The following ASIC5 variants were observed in gnomAD, a reference collection of about 807,000 sequenced individuals.
ASIC5 encodes the protein acid sensing ion channel subunit family member 5, also known as bile acid-sensitive ion channel.
A neutral mutation model predicts 51.2 loss-of-function variants in ASIC5; 52 were observed. The observed-to-expected ratio is 1.02, with a 90% confidence interval of 0.81 to 1.28. The LOEUF (loss-of-function observed/expected upper bound fraction) is 1.28. ASIC5 is among the 50% of genes most tolerant of loss of function. The pLI is 0.00. For missense variants in ASIC5, 635 were observed against 595.0 expected (o/e 1.07, Z -0.70); for synonymous variants, 231 against 200.7 (o/e 1.15, Z -1.28).
At chr4:155,862,089 A>G (rs1172930222) in intron 2 of ASIC5, among the ~76,000 whole-genome samples, 1 of 152,096 alleles carries the variant, frequency 6.6e-6, no homozygotes, top group Non-Finnish European at 1.5e-5. Context: ...TCACTTTGCC[A>G]TTCTGGAAGT....
intron 6 of ASIC5, among the ~76,000 whole-genome samples, chr4:155,841,581 A>G (rs1741122267): frequency 6.6e-6 from 1 of 152,134 alleles, no homozygotes; most frequent in Non-Finnish European, 1.5e-5. Flanking sequence ...AAAGTTGCAA[A>G]TTGTATGAAA....
At chr4:155,832,318 G>C (rs1401541153) in intron 8 of ASIC5, among the ~76,000 whole-genome samples, 1 of 152,104 alleles carries the variant, frequency 6.6e-6, no homozygotes, top group Non-Finnish European at 1.5e-5. Flanking sequence ...CAGGATTTTA[G>C]AGCTGAGCTC....
At chr4:155,858,020 C>A (rs557499112) in intron 2 of ASIC5, among the ~76,000 whole-genome samples, 1 of 152,134 alleles carries the variant, frequency 6.6e-6, no homozygotes, top group South Asian at 2.1e-4. Flanking sequence ...AACAATGGAT[C>A]AAATAGCATC....
At chr4:155,839,865 TAAAAAC>T (rs1741077711) in intron 6 of ASIC5, among the ~76,000 whole-genome samples, 1 of 151,794 alleles carries the variant, frequency 6.6e-6, no homozygotes, top group African/African-American at 2.4e-5. Flanking sequence ...AAAACAAAAA[TAAAAAC>T]AAACAAACAA....
chr4:155,834,002 T>C (rs942582421), intron 8 of ASIC5, among the ~76,000 whole-genome samples: 6 of 152,142 alleles, frequency 3.9e-5, no homozygotes, highest in Non-Finnish European at 7.4e-5. Flanking sequence ...TGAACAGGAG[T>C]GCTGCATTAG....
intron 8 of ASIC5, among the ~76,000 whole-genome samples, chr4:155,833,141 C>A (rs1352212737): frequency 6.6e-6 from 1 of 152,012 alleles, no homozygotes; most frequent in Non-Finnish European, 1.5e-5. Context: ...ACTCCTGAAT[C>A]CTAACAAATA....
At chr4:155,849,260 G>A (rs1741323757) in intron 4 of ASIC5, among the ~76,000 whole-genome samples, 1 of 152,008 alleles carries the variant, frequency 6.6e-6, no homozygotes, top group Non-Finnish European at 1.5e-5. Flanking sequence ...GACAGGCCCA[G>A]AAGCTCCAAG....
chr4:155,849,313 A>G (rs1306829323), intron 4 of ASIC5, among the ~76,000 whole-genome samples: 1 of 152,040 alleles, frequency 6.6e-6, no homozygotes, highest in Non-Finnish European at 1.5e-5. Flanking sequence ...CACCCAACTC[A>G]TAGGTACTTG....
At chr4:155,859,372 C>G (rs1237218352) in intron 2 of ASIC5, among the ~76,000 whole-genome samples, 1 of 151,340 alleles carries the variant, frequency 6.6e-6, no homozygotes, top group East Asian at 1.9e-4. Flanking sequence ...TGACTATTAC[C>G]AAAAAAATTT....
chr4:155,856,293 AC>A (rs1741537673), intron 2 of ASIC5, among the ~76,000 whole-genome samples: 1 of 152,008 alleles, frequency 6.6e-6, no homozygotes, highest in East Asian at 1.9e-4. Flanking sequence ...GGGGGCCAAC[AC>A]CCATGGCCCC....
At chr4:155,853,938 G>A (rs940706984) in intron 3 of ASIC5, 139 bp downstream of exon 3, 4 of 658,714 alleles carry the variant, frequency 6.1e-6, no homozygotes, top group Non-Finnish European at 1.1e-5. Context: ...ATATCATAAG[G>A]CTGAGCTAAT....
intron 5 of ASIC5, among the ~76,000 whole-genome samples, chr4:155,843,010 C>T (rs945245249): frequency 6.6e-6 from 1 of 152,114 alleles, no homozygotes; most frequent in Non-Finnish European, 1.5e-5. Context: ...AAGGCTCCAC[C>T]CCTTCCTCCC....
intron 4 of ASIC5, among the ~76,000 whole-genome samples, chr4:155,851,038 G>A (rs537811970): frequency 6.6e-6 from 1 of 151,786 alleles, no homozygotes; most frequent in Non-Finnish European, 1.5e-5. Context: ...ATTTCTCCTG[G>A]CCCTTTTGTA....
chr4:155,838,931 A>G, intron 6 of ASIC5, 62 bp from the exon 7 acceptor site: 1 of 887,030 alleles, frequency 1.1e-6, no homozygotes, highest in Non-Finnish European at 1.8e-6. Context: ...TGATCTAATG[A>G]CAAAAATACC....
chr4:155,830,009 G>A lies in ASIC5; in HGVS notation c.1365C>T (p.Ala455=), dbSNP rs1740839747. The change falls in exon 10 of 10, where the codon GCC becomes GCT. Residue 455 remains alanine (A), a synonymous_variant. Coordinates refer to ENST00000537611, the MANE Select transcript of ASIC5 (RefSeq NM_017419.3). Reference sequence around the variant, plus strand: ...TAATTTCTATGATCGTGATCAGACTGGCCCCACAAAATAGACCCAGCTGAC... The same window carrying A: ...TAATTTCTATGATCGTGATCAGACTAGCCCCACAAAATAGACCCAGCTGAC... ...LGGQLGLFCG[A]SLITIIEIIE... 1.3e-6 allele frequency: 2 copies of A among 1,584,230 alleles called. No individual in the cohort carries two copies. The highest frequency in any genetic ancestry group is 1.4e-5 in the African/African-American group (1 of 73,524).
chr4:155,847,590 C>T (rs990619427), intron 4 of ASIC5, among the ~76,000 whole-genome samples: 8 of 151,834 alleles, frequency 5.3e-5, no homozygotes, highest in Non-Finnish European at 1.0e-4. Flanking sequence ...GGCATGGTGG[C>T]GCATGCCTGT....
Position 155,842,245 on chromosome 4 carries a change from A to G in ASIC5, c.971T>C (p.Ile324Thr), listed in dbSNP as rs777881535. 23 of 1,613,656 alleles carry G rather than the reference A, an allele frequency of 1.4e-5. No homozygotes were observed. The highest frequency in any genetic ancestry group is 1.8e-5 in the Non-Finnish European group (21 of 1,179,726). ...GCLKECKAQH[I>T]KKQCGCVPFL... ...AGGCACACATCCACATTGCTTTTTT[A>G]TGTGCTGGGCTTTGCATTCCTTCAA... The change falls in exon 6 of 10, where the codon ATA becomes ACA. Residue 324 changes from isoleucine to threonine, a missense_variant. Physicochemically the swap from Ile to Thr is moderately conservative, Grantham distance 89 (BLOSUM62 -1). Coordinates refer to ENST00000537611, the MANE Select transcript of ASIC5 (RefSeq NM_017419.3).
chr4:155,842,472 C>G, intron 5 of ASIC5, 118 bp from the exon 6 acceptor site: 2 of 960,674 alleles, frequency 2.1e-6, no homozygotes, highest in Non-Finnish European at 3.0e-6. Flanking sequence ...TTTTCAAAAC[C>G]AAAATTGGTT....
Position 155,837,457 on chromosome 4 carries a change from T to C in ASIC5, c.1067-600A>G, listed in dbSNP as rs186688158. Among the ~76,000 whole-genome samples, 3 of 152,162 alleles carry C rather than the reference T, an allele frequency of 2.0e-5. No homozygotes were observed. The East Asian group carries it at 5.8e-4, about 29-fold the overall frequency. On this transcript the variant is annotated intron_variant, in intron 7 of 9. Transcript: ENST00000537611. ...CAAATGCATACTAGAAAAAAGTCCC[T>C]GTAGCAGGTAGTGTTTGTCTCCAGC...
Sources: allele counts gnomAD v4.1 joint callset (sites outside exome capture counted in the v4.1 genomes callset), GRCh38; gene constraint gnomAD v4.1.1; transcripts MANE v1.5; gene names NCBI Gene and HGNC (gene_info 2026-07-23, HGNC 2026-07-21).